Variants in STK3 observed in about 807,000 individuals in gnomAD.
STK3 encodes serine/threonine-protein kinase 3.
A neutral mutation model predicts 58.0 loss-of-function variants in STK3; 41 were observed. The observed-to-expected ratio is 0.71, with a 90% confidence interval of 0.55 to 0.92. The LOEUF is 0.92. STK3 is among the 40% of genes least tolerant of loss of function. The pLI, the probability that STK3 is intolerant of heterozygous loss-of-function variation, is 0.00. For missense variants in STK3, 479 were observed against 602.7 expected (o/e 0.79, Z 2.15); for synonymous variants, 170 against 191.0 (o/e 0.89, Z 0.91).
intron 1 of STK3, among the ~76,000 whole-genome samples, chr8:98,816,346 T>C (rs1834540362): frequency 6.6e-6 from 1 of 152,104 alleles, no homozygotes; most frequent in Non-Finnish European, 1.5e-5. Context: ...AGACCCCATG[T>C]CTACAAATAC....
intron 1 of STK3, among the ~76,000 whole-genome samples, chr8:98,813,579 A>G (rs1352629549): frequency 6.6e-6 from 1 of 152,082 alleles, no homozygotes; most frequent in Non-Finnish European, 1.5e-5. Context: ...CTAAAATTAT[A>G]ATTTTCTGGC....
intron 10 of STK3, among the ~76,000 whole-genome samples, chr8:98,501,805 T>C (rs1157157394): frequency 6.6e-6 from 1 of 152,270 alleles, no homozygotes; most frequent in Non-Finnish European, 1.5e-5. Flanking sequence ...TCAGTTACTG[T>C]AGCCTTGTAG....
intron 6 of STK3, among the ~76,000 whole-genome samples, chr8:98,687,976 T>C (rs909979171): frequency 3.3e-5 from 5 of 152,058 alleles, no homozygotes; most frequent in African/African-American, 9.7e-5. Flanking sequence ...TTAAAAGACA[T>C]AGAGTGGCAA....
chr8:98,913,531 T>C (rs1179555069), intron 1 of STK3, among the ~76,000 whole-genome samples: 1 of 152,244 alleles, frequency 6.6e-6, no homozygotes, highest in Non-Finnish European at 1.5e-5. Context: ...ACACTTGCTG[T>C]GCAAGACTCC....
chr8:98,590,584 C>T (rs1563777616), intron 7 of STK3, among the ~76,000 whole-genome samples: 1 of 152,198 alleles, frequency 6.6e-6, no homozygotes, highest in Non-Finnish European at 1.5e-5. Context: ...GGATTGATCT[C>T]CCAAGGGAGG....
At chr8:98,615,267 A>G (rs1817602815) in intron 6 of STK3, among the ~76,000 whole-genome samples, 1 of 148,356 alleles carries the variant, frequency 6.7e-6, no homozygotes, top group African/African-American at 2.5e-5. Context: ...GTTAGAAGGA[A>G]AACTAACAAA....
At chr8:98,706,809 A>C (rs1826000455) in intron 5 of STK3, among the ~76,000 whole-genome samples, 175 bp from the exon 6 acceptor site, 1 of 152,192 alleles carries the variant, frequency 6.6e-6, no homozygotes, top group South Asian at 2.1e-4. Flanking sequence ...CGAATTCTGA[A>C]AATAACCAAG....
At chr8:98,729,939 A>G (rs1351836538) in intron 4 of STK3, among the ~76,000 whole-genome samples, 2 of 152,140 alleles carry the variant, frequency 1.3e-5, no homozygotes, top group Non-Finnish European at 2.9e-5. Flanking sequence ...TAACCTCCAT[A>G]TGTTTCCATT....
At chr8:98,409,630 A>T (rs1371400375) in intron 3 of STK3, among the ~76,000 whole-genome samples, 2 of 152,220 alleles carry the variant, frequency 1.3e-5, no homozygotes, top group Non-Finnish European at 2.9e-5. Flanking sequence ...TGCAATGTGA[A>T]TTTTGCAATG....
At chr8:98,873,576 C>T (rs1206051827) in intron 3 of STK3, among the ~76,000 whole-genome samples, 1 of 152,118 alleles carries the variant, frequency 6.6e-6, no homozygotes, top group African/African-American at 2.4e-5. Flanking sequence ...TTGAATTGAT[C>T]CCTTTACCAT....
intron 1 of STK3, among the ~76,000 whole-genome samples, chr8:98,441,926 T>C (rs1433863729): frequency 6.6e-6 from 1 of 152,224 alleles, no homozygotes; most frequent in Non-Finnish European, 1.5e-5. Flanking sequence ...TCCAGACCCA[T>C]GTTTCCAGCT....
intron 1 of STK3, among the ~76,000 whole-genome samples, chr8:98,901,494 G>A (rs1206534438): frequency 6.6e-6 from 1 of 152,260 alleles, no homozygotes; most frequent in Non-Finnish European, 1.5e-5. Context: ...GGAGCGGGAA[G>A]GCTCTGCTAG....
chr8:98,910,188 T>G (rs1839074043), intron 1 of STK3, among the ~76,000 whole-genome samples: 3 of 152,264 alleles, frequency 2.0e-5, no homozygotes, highest in African/African-American at 7.2e-5. Flanking sequence ...TTTAATTGGA[T>G]AATTTGTCTT....
chr8:98,707,452 C>T (rs1826047319), intron 4 of STK3, 141 bp from the exon 5 acceptor site: 2 of 648,460 alleles, frequency 3.1e-6, no homozygotes, highest in African/African-American at 1.9e-5. Context: ...GCCCAGGCTA[C>T]AGTGCAGTGG....
intron 1 of STK3, among the ~76,000 whole-genome samples, chr8:98,776,818 G>A (rs775461380): frequency 1.3e-4 from 19 of 151,678 alleles, no homozygotes; most frequent in South Asian, 4.2e-4. Flanking sequence ...TTGGAAGGCC[G>A]AGGCGGTGGA....
At chr8:98,397,816 G>C (rs1177077361), downstream of STK3, among the ~76,000 whole-genome samples, 3 of 152,116 alleles carry the variant, frequency 2.0e-5, no homozygotes, top group Admixed American at 6.5e-5. Flanking sequence ...AAAAGTGTGT[G>C]GCAGTTGCCC....
chr8:98,443,514 A>G (rs756439254), intron 1 of STK3, among the ~76,000 whole-genome samples: 3 of 152,242 alleles, frequency 2.0e-5, no homozygotes, highest in African/African-American at 4.8e-5. Flanking sequence ...CATGGAGGCC[A>G]GCAAAGGCAT....
intron 10 of STK3, among the ~76,000 whole-genome samples, chr8:98,478,220 C>T (rs1211629124): frequency 1.3e-5 from 2 of 152,164 alleles, no homozygotes; most frequent in African/African-American, 4.8e-5. Flanking sequence ...AAATACTCTG[C>T]CCCTCACTCA....
At chr8:98,856,473 A>G (rs577225738) in intron 3 of STK3, among the ~76,000 whole-genome samples, 1 of 152,370 alleles carries the variant, frequency 6.6e-6, no homozygotes, top group African/African-American at 2.4e-5. Context: ...ATCATTAGTC[A>G]TCAAGGAGAC....
Sources: gnomAD v4.1 joint callset for allele counts (sites outside exome capture counted in the v4.1 genomes callset) on GRCh38, gnomAD v4.1.1 for gene constraint, MANE v1.5 for transcripts, NCBI Gene and HGNC (gene_info 2026-07-23, HGNC 2026-07-21) for gene names.